LDB2: variants seen among roughly 807,000 people sequenced by gnomAD.
The protein encoded by LDB2 is LIM domain binding 2.
A neutral mutation model predicts 44.3 loss-of-function variants in LDB2; 12 were observed. That is an observed-to-expected ratio of 0.27 (90% confidence interval 0.17 to 0.44). The LOEUF (loss-of-function observed/expected upper bound fraction) is 0.44. LDB2 is among the 20% of genes least tolerant of loss of function. LDB2 has a pLI of 1.00. For synonymous variants in LDB2, 164 were observed against 174.8 expected (o/e 0.94, Z 0.49); for missense variants, 344 against 473.5 (o/e 0.73, Z 2.54).
chr4:16,850,947 A>AGTGT lies in LDB2; in HGVS notation c.132+47403_132+47406dup, dbSNP rs71181193. 6.9e-3 allele frequency among the ~76,000 whole-genome samples: 982 copies of AGTGT among 143,158 alleles called. 7 individuals are homozygous for AGTGT. Among genetic ancestry groups the AGTGT allele is most frequent in the African/African-American group, 0.019 (710 of 37,618 alleles). The allele number at this position is 143,158 out of a possible 152,430, so 93.9% of individuals were successfully genotyped here. On this transcript the variant is annotated intron_variant, in intron 1 of 7. Transcript: ENST00000304523. ...GATATAGGTAATAGTTAAAACCATA[A>AGTGT]GTGTGTGTGTGTGTGTGTGTGTGTG... is the stretch of plus-strand genomic sequence containing the variant.
At chr4:16,574,171 G>C (rs543764732) in intron 5 of LDB2, among the ~76,000 whole-genome samples, 1 of 152,068 alleles carries the variant, frequency 6.6e-6, no homozygotes, top group Non-Finnish European at 1.5e-5. Flanking sequence ...CATTCACTTG[G>C]GAAATTAAAG....
chr4:16,559,608 A>T (rs551565294), intron 5 of LDB2, among the ~76,000 whole-genome samples: 49 of 152,276 alleles, frequency 3.2e-4, no homozygotes, highest in Admixed American at 1.1e-3. Context: ...CTCCCACACA[A>T]TAATAATGGG....
At chr4:16,879,422 ATTG>A (rs1383199229) in intron 1 of LDB2, among the ~76,000 whole-genome samples, 4 of 151,980 alleles carry the variant, frequency 2.6e-5, no homozygotes, top group African/African-American at 9.7e-5. Context: ...CGCTGTTAGA[ATTG>A]TTGTCTGGGT....
Position 16,772,412 on chromosome 4 carries a change from A to G in LDB2, c.133-13152T>C, listed in dbSNP as rs187233065. Among the ~76,000 whole-genome samples, 268 of 152,332 alleles carry G rather than the reference A, an allele frequency of 1.8e-3. 2 individuals are homozygous for G. The highest frequency in any genetic ancestry group is 6.3e-3 in the African/African-American group (261 of 41,574). ...AAATGTGTTAGACAAACTACCAAAG[A>G]CAAAAGATAAATCTATCAAGGAGAC... On this transcript the variant is annotated intron_variant, in intron 1 of 7. Coordinates refer to ENST00000304523, the MANE Select transcript of LDB2 (RefSeq NM_001290.5).
intron 1 of LDB2, among the ~76,000 whole-genome samples, chr4:16,798,499 T>C (rs1021063087): frequency 6.6e-6 from 1 of 152,158 alleles, no homozygotes; most frequent in African/African-American, 2.4e-5. Flanking sequence ...CAAAATCAAT[T>C]GTTATCTACT....
chr4:16,633,035 C>T (rs1243229972), intron 2 of LDB2, among the ~76,000 whole-genome samples: 2 of 152,166 alleles, frequency 1.3e-5, no homozygotes, highest in Non-Finnish European at 2.9e-5. Flanking sequence ...TTGGAACCAA[C>T]CCAAATGTCC....
intron 5 of LDB2, among the ~76,000 whole-genome samples, chr4:16,544,339 C>T (rs910369548): frequency 2.0e-5 from 3 of 152,098 alleles, no homozygotes; most frequent in Non-Finnish European, 2.9e-5. Context: ...GAGCAGCTGG[C>T]TTGGGGGAGT....
intron 1 of LDB2, among the ~76,000 whole-genome samples, chr4:16,850,427 A>G (rs927027875): frequency 6.6e-6 from 1 of 152,154 alleles, no homozygotes; most frequent in African/African-American, 2.4e-5. Flanking sequence ...GATTAAGTAA[A>G]TTTATGCATG....
At chr4:16,835,338 T>A (rs150760479) in intron 1 of LDB2, among the ~76,000 whole-genome samples, 3 of 152,330 alleles carry the variant, frequency 2.0e-5, no homozygotes, top group African/African-American at 7.2e-5. Flanking sequence ...CAATTACCAT[T>A]AGATGGACTT....
At chr4:16,624,072 A>G (rs560651150) in intron 2 of LDB2, among the ~76,000 whole-genome samples, 9 of 152,336 alleles carry the variant, frequency 5.9e-5, no homozygotes, top group East Asian at 1.9e-4. Context: ...ATTACAAATT[A>G]TGTTAATAAA....
chr4:16,812,726 A>C (rs1298199332), intron 1 of LDB2, among the ~76,000 whole-genome samples: 2 of 150,390 alleles, frequency 1.3e-5, no homozygotes, highest in African/African-American at 4.9e-5. Context: ...TTAGAAAATA[A>C]GTTGATTGTG....
intron 5 of LDB2, among the ~76,000 whole-genome samples, chr4:16,562,622 T>G (rs1024218819): frequency 4.6e-5 from 7 of 152,238 alleles, no homozygotes; most frequent in Non-Finnish European, 1.0e-4. Context: ...TTGGTGGGAC[T>G]GTAAACTAGT....
At chr4:16,559,714 A>T (rs1270621427) in intron 5 of LDB2, among the ~76,000 whole-genome samples, 1 of 152,152 alleles carries the variant, frequency 6.6e-6, no homozygotes, top group Non-Finnish European at 1.5e-5. Flanking sequence ...CACCAAGCGG[A>T]CCTAATAGAC....
chr4:16,848,446 T>C (rs1426765008), intron 1 of LDB2, among the ~76,000 whole-genome samples: 2 of 152,232 alleles, frequency 1.3e-5, no homozygotes, highest in Non-Finnish European at 2.9e-5. Flanking sequence ...ATGTATTCCA[T>C]GGGTTTCCAG....
At chr4:16,870,784 C>T (rs561630431) in intron 1 of LDB2, among the ~76,000 whole-genome samples, 2 of 152,178 alleles carry the variant, frequency 1.3e-5, no homozygotes, top group Admixed American at 6.5e-5. Flanking sequence ...AGGTGTCCGC[C>T]ACCACACCTG....
chr4:16,657,389 C>T (rs1337439767), intron 2 of LDB2, among the ~76,000 whole-genome samples: 2 of 152,164 alleles, frequency 1.3e-5, no homozygotes, highest in African/African-American at 4.8e-5. Context: ...GCTGTCACCA[C>T]CTAATTGGTC....
chr4:16,823,058 C>A lies in LDB2; in HGVS notation c.133-63798G>T, dbSNP rs145542264. ...CCCTGCTAACTCATCATGTCCGGCA[C>A]TCCTCCTGCCAGGATTCACAGCACA... On this transcript the variant is annotated intron_variant, in intron 1 of 7. Coordinates refer to ENST00000304523, the MANE Select transcript of LDB2 (RefSeq NM_001290.5). Among the ~76,000 whole-genome samples, 321 of 152,316 alleles carry A rather than the reference C, an allele frequency of 2.1e-3. 5 individuals carry two copies. The East Asian group carries it at 0.038, about 18-fold the overall frequency.
Position 16,764,084 on chromosome 4 carries a change from G to A in LDB2, c.133-4824C>T, listed in dbSNP as rs913625323. On this transcript the variant is annotated intron_variant, in intron 1 of 7. Transcript: ENST00000304523. ...AGAAAGTGATGAAGCTAAAGTTCAC[G>A]TAGCAAGTCTGCCTAACTCCAATAC... Among the ~76,000 whole-genome samples the A allele has an allele frequency of 6.6e-5, 10 of 152,232 alleles. No homozygotes were observed. In the East Asian group the frequency reaches 1.5e-3, roughly 24 times the overall value.
At chr4:16,896,195 T>C (rs1443069701) in intron 1 of LDB2, among the ~76,000 whole-genome samples, 1 of 152,200 alleles carries the variant, frequency 6.6e-6, no homozygotes, top group Non-Finnish European at 1.5e-5. Context: ...CATAGCAAGC[T>C]TTCTTCTCTT....
Sources: gnomAD v4.1 joint callset for allele counts (sites outside exome capture counted in the v4.1 genomes callset) on GRCh38, gnomAD v4.1.1 for gene constraint, MANE v1.5 for transcripts, NCBI Gene and HGNC (gene_info 2026-07-23, HGNC 2026-07-21) for gene names.